CCDC40: variants seen among roughly 807,000 people sequenced by gnomAD.
The protein encoded by CCDC40 is coiled-coil domain-containing protein 40.
In CCDC40, 104 loss-of-function variants were observed where a neutral mutation model predicts 124.5. The ratio of observed to expected loss-of-function variants is 0.84; its 90% CI spans 0.71 to 0.98. The LOEUF (loss-of-function observed/expected upper bound fraction) is 0.98, where lower values mean the gene tolerates loss of function less well. CCDC40 is among the 50% of genes least tolerant of loss of function. CCDC40 has a pLI of 0.00. For synonymous variants in CCDC40, 580 were observed against 602.9 expected (o/e 0.96, Z 0.56); for missense variants, 1,463 against 1,503.9 (o/e 0.97, Z 0.45).
intron 7 of CCDC40, among the ~76,000 whole-genome samples, chr17:80,057,672 G>C (rs376040013): frequency 8.0e-4 from 122 of 152,048 alleles, no homozygotes; most frequent in African/African-American, 2.5e-3. Context: ...GTTAGGAGAT[G>C]GAGATTATCC....
intron 10 of CCDC40, among the ~76,000 whole-genome samples, chr17:80,068,633 G>A (rs547839743): frequency 6.6e-6 from 1 of 151,942 alleles, no homozygotes; most frequent in African/African-American, 2.4e-5. Flanking sequence ...GTACCCTGGT[G>A]GCTGTCTGGG....
At chr17:80,083,196 T>C (rs9889677) in intron 12 of CCDC40, among the ~76,000 whole-genome samples, 105,654 of 149,958 alleles carry the variant, frequency 0.7, 37,433 homozygotes, top group Middle Eastern at 0.83. Flanking sequence ...CTTGGAGCCA[T>C]AGCCCCTGCA....
chr17:80,080,649 G>A (rs2038425916), intron 10 of CCDC40, among the ~76,000 whole-genome samples: 1 of 152,168 alleles, frequency 6.6e-6, no homozygotes, highest in African/African-American at 2.4e-5. Context: ...CATGGTTAAG[G>A]AAGGTGGGCA....
intron 2 of CCDC40, among the ~76,000 whole-genome samples, chr17:80,038,405 C>T (rs1453698312): frequency 2.0e-5 from 3 of 152,160 alleles, no homozygotes; most frequent in African/African-American, 4.8e-5. Context: ...GTGGTGCGCA[C>T]ATGTAGTCCC....
intron 10 of CCDC40, among the ~76,000 whole-genome samples, chr17:80,072,596 T>G (rs894674059): frequency 1.3e-5 from 2 of 152,204 alleles, no homozygotes; most frequent in Admixed American, 1.3e-4. Context: ...ATTGCATACC[T>G]CCAGCCCTGG....
At chr17:80,060,456 A>AGGCT (rs1232593437) in intron 9 of CCDC40, among the ~76,000 whole-genome samples, 1 of 151,886 alleles carries the variant, frequency 6.6e-6, no homozygotes, top group African/African-American at 2.4e-5. Flanking sequence ...GCTACTCAGG[A>AGGCT]GGCTGAGGCA....
intron 7 of CCDC40, among the ~76,000 whole-genome samples, chr17:80,056,695 T>C (rs1350280625): frequency 6.6e-6 from 1 of 151,992 alleles, no homozygotes; most frequent in East Asian, 1.9e-4. Flanking sequence ...CACAAAAATA[T>C]CCAAGACAAT....
In CCDC40 at chr17:80,100,055, C is replaced by G; in HGVS notation, c.*280C>G. The G allele has an allele frequency of 6.3e-6, 3 of 477,758 alleles. No individual in the cohort carries two copies. The highest frequency in any genetic ancestry group is 7.7e-6 in the Non-Finnish European group (2 of 260,388). The allele number at this position is 477,758 out of a possible 1,614,324, so 29.6% of individuals were successfully genotyped here. A position where few individuals can be genotyped will look rare whatever the true frequency, so the allele number is the denominator to read the frequency against. On this transcript the variant is annotated 3_prime_UTR_variant, in exon 20 of 20. Transcript: ENST00000397545. ...CCCACACTCCCACACTGGGCTTACTCGTCCAGGTAACACTTTGGTTTGCAG... is the reference window on the plus strand; with the variant it reads ...CCCACACTCCCACACTGGGCTTACTGGTCCAGGTAACACTTTGGTTTGCAG...
At chr17:80,053,276 G>T (rs2037653324) in intron 7 of CCDC40, among the ~76,000 whole-genome samples, 1 of 152,210 alleles carries the variant, frequency 6.6e-6, no homozygotes, top group South Asian at 2.1e-4. Flanking sequence ...AAGAAAAAAT[G>T]CTGCAGGCTT....
chr17:80,082,137 G>A (rs1396756297), intron 12 of CCDC40, 79 bp downstream of exon 12: 2 of 1,285,716 alleles, frequency 1.6e-6, no homozygotes, highest in Non-Finnish European at 2.2e-6. Context: ...CCTGGAGGCG[G>A]AGAGGGCGGA....
intron 1 of CCDC40, among the ~76,000 whole-genome samples, chr17:80,037,739 G>T (rs1052255803): frequency 2.6e-5 from 3 of 115,324 alleles, no homozygotes; most frequent in Non-Finnish European, 5.5e-5. Flanking sequence ...TACGTAAATC[G>T]TGGAGAAACT....
At position 80,065,589 on chromosome 17, in the gene CCDC40, G is replaced by A. The variant is rs200526079; in HGVS notation, c.1545G>A (p.Ala515=). The A allele has an allele frequency of 1.2e-5, 20 of 1,612,668 alleles. No homozygotes were observed. In the East Asian group the frequency reaches 2.5e-4, roughly 20 times the overall value. The part of the protein sequence containing the change: ...GMKHRDEAHR[A]VLEALRGCQH... Reference sequence around the variant, plus strand: ...AGCACCGCGACGAGGCGCACAGGGCGGTGCTGGAGGCGCTCAGGTACTGCA... The same window carrying A: ...AGCACCGCGACGAGGCGCACAGGGCAGTGCTGGAGGCGCTCAGGTACTGCA... The change falls in exon 10 of 20, where the codon GCG becomes GCA. Residue 515 remains alanine (A), a synonymous_variant. Coordinates refer to ENST00000397545, the MANE Select transcript of CCDC40 (RefSeq NM_017950.4).
chr17:80,040,032 G>A lies in CCDC40; in HGVS notation c.314G>A (p.Gly105Glu). 6.2e-7 allele frequency: 1 copy of A among 1,614,126 alleles called. No individual in the cohort carries two copies. The highest frequency in any genetic ancestry group is 8.5e-7 in the Non-Finnish European group (1 of 1,179,990). ...TATACAGAAACTTCATCCCCGGAAG[G>A]GCAAATCAGTGCTGCAGATACGACT... is the stretch of plus-strand genomic sequence containing the variant. Reference protein sequence around the residue: ...YYYTETSSPEGQISAADTTYP... With the variant: ...YYYTETSSPEEQISAADTTYP... The change falls in exon 3 of 20, where the codon GGG (glycine) becomes GAG (glutamate). Residue 105 changes from glycine to glutamate, a missense_variant. Physicochemically the swap from Gly to Glu is moderately conservative, Grantham distance 98. Transcript: ENST00000397545.
intron 10 of CCDC40, chr17:80,067,930 T>C (rs2038090478): frequency 1.6e-6 from 2 of 1,279,740 alleles, no homozygotes; most frequent in Non-Finnish European, 9.9e-7. Flanking sequence ...TAGTGGACTA[T>C]GTACACGCAC....
At chr17:80,056,010 A>ATTTTTTTTTTTTTTTT (rs1326886577) in intron 7 of CCDC40, among the ~76,000 whole-genome samples, 1 of 13,784 alleles carries the variant, frequency 7.3e-5, no homozygotes, top group Non-Finnish European at 1.2e-4. Flanking sequence ...ATATATATAT[A>ATTTTTTTTTTTTTTTT]TATATATTTT....
At chr17:80,040,549 C>T in intron 3 of CCDC40, 2 of 440,242 alleles carry the variant, frequency 4.5e-6, no homozygotes, top group Non-Finnish European at 8.4e-6. Context: ...CGTGGTGGCG[C>T]ACGCCTGTAA....
chr17:80,074,475 ACT>A (rs371422012), intron 10 of CCDC40, among the ~76,000 whole-genome samples: 43 of 152,228 alleles, frequency 2.8e-4, no homozygotes, highest in African/African-American at 9.6e-4. Flanking sequence ...ACAGAGCGAG[ACT>A]CTGTCTCAAA....
In CCDC40 at chr17:80,099,482, C is replaced by A. The variant is rs1247001801; in HGVS notation, c.3181-45C>A. 4 of 1,598,512 alleles carry A rather than the reference C, an allele frequency of 2.5e-6. No homozygotes were observed. In the African/African-American group the frequency reaches 4.0e-5, roughly 16 times the overall value. ...TTGTGGGGGGCCAGCAGGTGTCTTTCTTCTGGTTTGCATAGCCCTATATGG... is the reference window on the plus strand; with the variant it reads ...TTGTGGGGGGCCAGCAGGTGTCTTTATTCTGGTTTGCATAGCCCTATATGG... On this transcript the variant is annotated intron_variant, in intron 19 of 19. Transcript: ENST00000397545.
At chr17:80,064,548 G>A (rs2037985927) in intron 9 of CCDC40, among the ~76,000 whole-genome samples, 1 of 152,086 alleles carries the variant, frequency 6.6e-6, no homozygotes, top group African/African-American at 2.4e-5. Flanking sequence ...GTCACAGCTG[G>A]GGACACTGAG....
Sources: allele counts gnomAD v4.1 joint callset (sites outside exome capture counted in the v4.1 genomes callset), GRCh38; gene constraint gnomAD v4.1.1; transcripts MANE v1.5; gene names NCBI Gene and HGNC (gene_info 2026-07-23, HGNC 2026-07-21).